The following MYBPC2 variants were observed in gnomAD, a reference collection of about 807,000 sequenced individuals.
MYBPC2 encodes myosin binding protein C2, also known as myosin-binding protein C, fast-type.
In MYBPC2, 122 loss-of-function variants were observed where a neutral mutation model predicts 137.0. The ratio of observed to expected loss-of-function variants is 0.89; its 90% CI spans 0.77 to 1.03. The LOEUF is 1.03. Among genes scored for constraint, MYBPC2 ranks in the 50% least tolerant of loss-of-function variants. MYBPC2 has a pLI of 0.00. For synonymous variants in MYBPC2, 626 were observed against 612.3 expected (o/e 1.02, Z -0.33); for missense variants, 1,500 against 1,534.4 (o/e 0.98, Z 0.37).
Position 50,435,386 on chromosome 19 carries a change from C to T in MYBPC2, c.109+136C>T, listed in dbSNP as rs1028813446. 155 of 649,960 alleles carry T rather than the reference C, an allele frequency of 2.4e-4. 1 individual carries two copies. The highest frequency in any genetic ancestry group is 3.9e-4 in the East Asian group (14 of 35,558). 40.3% of individuals were successfully genotyped at this position (649,960 alleles called of 1,614,324 possible). On this transcript the variant is annotated intron_variant, in intron 2 of 27. Coordinates refer to ENST00000357701, the MANE Select transcript of MYBPC2 (RefSeq NM_004533.4). The surrounding 1 kb of genome is among the most constrained non-coding windows in gnomAD (Gnocchi z 4.8). ...AGCCCCAGGGCTGACCCACGCCTCC[C>T]GTGCTCCCAGCCCTCCCGGGGCTCC... is the stretch of plus-strand genomic sequence containing the variant.
chr19:50,465,497 A>AG lies in MYBPC2; in HGVS notation c.3416-696dup, dbSNP rs2040007790. ...CTGACCTCTGACTTCCCTGGCTCTG[A>AG]GGACAGCCCAGCAGACAGGGTGGCT... On this transcript the variant is annotated intron_variant, in intron 27 of 27. Coordinates refer to ENST00000357701, the MANE Select transcript of MYBPC2 (RefSeq NM_004533.4). The surrounding 1 kb of genome is among the most constrained non-coding windows in gnomAD (Gnocchi z 4.5). Among the ~76,000 whole-genome samples, 1 of 152,152 alleles carries AG rather than the reference A, an allele frequency of 6.6e-6. No homozygotes were observed. The highest frequency in any genetic ancestry group is 1.5e-5 in the Non-Finnish European group (1 of 68,030).
chr19:50,447,929 G>A (rs891938905), intron 12 of MYBPC2, among the ~76,000 whole-genome samples: 6 of 152,062 alleles, frequency 3.9e-5, no homozygotes, highest in African/African-American at 1.4e-4. Flanking sequence ...GTGAACCACT[G>A]TGCCCGGCCA....
In MYBPC2 at chr19:50,466,143, CAGG is replaced by C; in HGVS notation, c.3416-45_3416-43del. The C allele has an allele frequency of 1.9e-6, 3 of 1,612,224 alleles. No homozygotes were observed. The highest frequency in any genetic ancestry group is 2.2e-5 in the South Asian group (2 of 90,918). ...GATGCAGCTCCTCCTCCTGGGGCTT[CAGG>C]AGGAGGCGTGCCCGGGCCTGGCTCA... On this transcript the variant is annotated intron_variant, in intron 27 of 27. Coordinates refer to ENST00000357701, the MANE Select transcript of MYBPC2 (RefSeq NM_004533.4). This position sits in a 1 kb window ranked among gnomAD's most constrained non-coding sequence, Gnocchi z 4.9.
Position 50,461,967 on chromosome 19 carries a change from T to C in MYBPC2, c.3159T>C (p.Pro1053=). 1 of 1,585,558 alleles carries C rather than the reference T, an allele frequency of 6.3e-7. No homozygotes were observed. Among genetic ancestry groups the C allele is most frequent in the South Asian group, 1.2e-5 (1 of 86,752 alleles). The change falls in exon 26 of 28, where the codon CCT becomes CCC. Residue 1053 remains proline, a synonymous_variant. Transcript: ENST00000357701. The part of the protein sequence containing the change: ...DFRMAPKFLT[P]LIDRVVVAGY... ...GGATGGCTCCCAAGTTCCTGACACC[T>C]CTCATAGACCGCGTGGTCGTGGCTG...
At chr19:50,444,832 A>C (rs2039788942) in intron 11 of MYBPC2, among the ~76,000 whole-genome samples, 1 of 144,800 alleles carries the variant, frequency 6.9e-6, no homozygotes, top group Non-Finnish European at 1.5e-5. Flanking sequence ...GTGAGCCGAG[A>C]TCGCGCCACT....
rs1601302067 is a variant in MYBPC2 at position 50,465,914 on chromosome 19, C to T, written c.3416-281C>T. Among the ~76,000 whole-genome samples the T allele has an allele frequency of 6.6e-6, 1 of 152,194 alleles. No individual in the cohort carries two copies. Among genetic ancestry groups the T allele is most frequent in the East Asian group, 1.9e-4 (1 of 5,198 alleles). ...CACCCAATTTCTGATACTCTGCTGT[C>T]TCCCTGATTAACTATTAAATCAGCT... On this transcript the variant is annotated intron_variant, in intron 27 of 27. Coordinates refer to ENST00000357701, the MANE Select transcript of MYBPC2 (RefSeq NM_004533.4). This position sits in a 1 kb window ranked among gnomAD's most constrained non-coding sequence, Gnocchi z 4.5.
At chr19:50,442,729 T>TAAC (rs1025807050) in intron 9 of MYBPC2, among the ~76,000 whole-genome samples, 1 of 151,430 alleles carries the variant, frequency 6.6e-6, no homozygotes, top group African/African-American at 2.4e-5. Flanking sequence ...GAGACCCTGT[T>TAAC]AACAACAACA....
chr19:50,464,612 C>T, intron 27 of MYBPC2, 80 bp downstream of exon 27: 2 of 1,436,304 alleles, frequency 1.4e-6, no homozygotes, highest in African/African-American at 1.4e-5. Context: ...CCGGGCTGAG[C>T]ACCGCTGAGA....
At chr19:50,458,505 G>C (rs1010033603) in intron 20 of MYBPC2, 82 bp from the exon 21 acceptor site, 1 of 1,525,218 alleles carries the variant, frequency 6.6e-7, no homozygotes, top group Non-Finnish European at 8.8e-7. Context: ...CGCTCGCTGC[G>C]TGGGGCCCAA....
At chr19:50,459,425 G>A in intron 23 of MYBPC2, 119 bp downstream of exon 23, 1 of 891,756 alleles carries the variant, frequency 1.1e-6, no homozygotes, top group East Asian at 3.3e-5. Context: ...GGGAGAGGAG[G>A]TGAGATGAGG....
intron 16 of MYBPC2, among the ~76,000 whole-genome samples, chr19:50,453,081 T>G (rs1045001459): frequency 2.0e-5 from 3 of 152,202 alleles, no homozygotes; most frequent in Non-Finnish European, 4.4e-5. Flanking sequence ...TGGATGCGGC[T>G]CCTGCCCTCC....
chr19:50,456,725 C>T (rs917273813), intron 20 of MYBPC2, among the ~76,000 whole-genome samples: 1 of 152,032 alleles, frequency 6.6e-6, no homozygotes, highest in South Asian at 2.1e-4. Flanking sequence ...CATGAGCCAT[C>T]GCACCCGGCC....
At chr19:50,434,435 A>G (rs2039683938) in intron 1 of MYBPC2, among the ~76,000 whole-genome samples, 1 of 152,192 alleles carries the variant, frequency 6.6e-6, no homozygotes, top group Non-Finnish European at 1.5e-5. Flanking sequence ...GGGTATAAAG[A>G]TTAGTGGTTC....
chr19:50,462,053 C>A lies in MYBPC2; in HGVS notation c.3228+17C>A. ...CACCCGAAGGTGCCAGGGCAGGGAC[C>A]CAGATCTGCGTGTGTGTTGCCTTGT... On this transcript the variant is annotated intron_variant, in intron 26 of 27. Coordinates refer to ENST00000357701, the MANE Select transcript of MYBPC2 (RefSeq NM_004533.4). 6.4e-7 allele frequency: 1 copy of A among 1,566,510 alleles called. No individual in the cohort carries two copies. Among genetic ancestry groups the A allele is most frequent in the East Asian group, 2.4e-5 (1 of 42,440 alleles).
intron 26 of MYBPC2, 141 bp downstream of exon 26, chr19:50,462,177 T>A (rs890609232): frequency 1.9e-5 from 25 of 1,287,300 alleles, no homozygotes; most frequent in South Asian, 1.5e-4. Context: ...AAAATTTTTT[T>A]AATTGATTTT....
intron 11 of MYBPC2, among the ~76,000 whole-genome samples, chr19:50,445,300 C>CT (rs2039793564): frequency 6.6e-6 from 1 of 151,978 alleles, no homozygotes; most frequent in African/African-American, 2.4e-5. Flanking sequence ...CCCATGACAT[C>CT]TTTTTGTGTC....
chr19:50,440,473 G>A (rs2039741190), intron 7 of MYBPC2, among the ~76,000 whole-genome samples: 1 of 151,936 alleles, frequency 6.6e-6, no homozygotes, highest in Non-Finnish European at 1.5e-5. Flanking sequence ...AGACCAGCCT[G>A]TCCAACATGG....
At chr19:50,455,356 C>G in intron 19 of MYBPC2, 60 bp downstream of exon 19, 1 of 1,574,784 alleles carries the variant, frequency 6.4e-7, no homozygotes, top group Non-Finnish European at 8.7e-7. Context: ...GATCCATCAA[C>G]CCCGTCCACC....
In MYBPC2 at chr19:50,435,863, G is replaced by C. The variant is rs2039697992; in HGVS notation, c.196+1G>C. The C allele has an allele frequency of 6.3e-7, 1 of 1,587,596 alleles. No individual in the cohort carries two copies. The highest frequency in any genetic ancestry group is 1.3e-5 in the African/African-American group (1 of 74,448). ...CCGGACTCCGTCTCAGTGGAGACTG[G>C]TGAGGGGAACCCGGGGGAGGAGGGG... On this transcript the variant is annotated splice_donor_variant, in intron 3 of 27. Coordinates refer to ENST00000357701, the MANE Select transcript of MYBPC2 (RefSeq NM_004533.4). LOFTEE classifies it high-confidence loss of function. This position sits in a 1 kb window ranked among gnomAD's most constrained non-coding sequence, Gnocchi z 4.8.
Sources: allele counts gnomAD v4.1 joint callset (sites outside exome capture counted in the v4.1 genomes callset), GRCh38; gene constraint gnomAD v4.1.1; non-coding constraint Gnocchi (gnomAD v3.1); transcripts MANE v1.5; gene names NCBI Gene and HGNC (gene_info 2026-07-23, HGNC 2026-07-21).